The following STAM variants were observed in gnomAD, a reference collection of about 807,000 sequenced individuals.
The protein encoded by STAM is signal transducing adaptor molecule, also known as signal transducing adapter molecule 1.
In STAM, 16 loss-of-function variants were observed where a neutral mutation model predicts 63.4. The ratio of observed to expected loss-of-function variants is 0.25; its 90% CI spans 0.17 to 0.38. The LOEUF (loss-of-function observed/expected upper bound fraction) is 0.38. Ranked by LOEUF, STAM falls within the 10% of genes least tolerant of loss-of-function variation. The probability of loss-of-function intolerance (pLI) is 1.00; values close to 1 mark genes in which losing one functional copy is unlikely to be tolerated. For missense variants in STAM, 636 were observed against 657.1 expected (o/e 0.97, Z 0.35); for synonymous variants, 238 against 223.9 (o/e 1.06, Z -0.56).
chr10:17,645,190 G>C (rs1554820678), intron 1 of STAM, among the ~76,000 whole-genome samples: 1 of 152,124 alleles, frequency 6.6e-6, no homozygotes, highest in East Asian at 1.9e-4. Context: ...TTTCCGGGGA[G>C]AGAATTTTGG....
intron 1 of STAM, among the ~76,000 whole-genome samples, chr10:17,659,636 T>C (rs977141591): frequency 6.6e-6 from 1 of 152,094 alleles, no homozygotes; most frequent in South Asian, 2.1e-4. Flanking sequence ...GCCCAGCTAA[T>C]TATTTTTTTA....
At chr10:17,648,565 G>A (rs1289653006) in intron 1 of STAM, among the ~76,000 whole-genome samples, 5 of 152,276 alleles carry the variant, frequency 3.3e-5, no homozygotes, top group African/African-American at 4.8e-5. Context: ...ACAAAGGTCC[G>A]TGGCTTCATT....
At chr10:17,668,413 A>G in intron 2 of STAM, among the ~76,000 whole-genome samples, 1 of 152,358 alleles carries the variant, frequency 6.6e-6, no homozygotes, top group Middle Eastern at 3.4e-3. Flanking sequence ...TATTTGTTAC[A>G]AGATATGAAC....
At chr10:17,689,613 A>G (rs1835444598) in intron 5 of STAM, among the ~76,000 whole-genome samples, 1 of 152,254 alleles carries the variant, frequency 6.6e-6, no homozygotes, top group African/African-American at 2.4e-5. Context: ...CTTAAACAGA[A>G]TAATCCAAGA....
In STAM at chr10:17,708,835, C is replaced by T. The variant is rs372627119; in HGVS notation, c.1269C>T (p.Ser423=). The T allele has an allele frequency of 3.8e-5, 62 of 1,614,128 alleles. No individual in the cohort carries two copies. The highest frequency in any genetic ancestry group is 5.1e-5 in the Non-Finnish European group (60 of 1,179,994). ...AYLVAGNAQM[S]HLQSYSLPPE... Reference sequence around the variant, plus strand: ...TGGTTGCAGGGAACGCGCAGATGAGCCACCTCCAGAGCTACAGTCTTCCCC... The same window carrying T: ...TGGTTGCAGGGAACGCGCAGATGAGTCACCTCCAGAGCTACAGTCTTCCCC... Residue 423 remains serine (S), a synonymous_variant, in exon 13 of 14, where the codon AGC becomes AGT. Coordinates refer to ENST00000377524, the MANE Select transcript of STAM (RefSeq NM_003473.4).
chr10:17,691,495 G>C (rs1168479178), intron 5 of STAM, among the ~76,000 whole-genome samples: 2 of 151,804 alleles, frequency 1.3e-5, no homozygotes, highest in Non-Finnish European at 2.9e-5. Context: ...TCCAGCCTGG[G>C]CGACAGAGCG....
chr10:17,706,533 C>T (rs1358463463), intron 12 of STAM, among the ~76,000 whole-genome samples: 1 of 151,950 alleles, frequency 6.6e-6, no homozygotes, highest in Non-Finnish European at 1.5e-5. Flanking sequence ...CGCCCGTCAC[C>T]ACGCCAGGCT....
At chr10:17,650,319 A>G (rs556081497) in intron 1 of STAM, among the ~76,000 whole-genome samples, 3 of 152,364 alleles carry the variant, frequency 2.0e-5, no homozygotes, top group South Asian at 4.1e-4. Flanking sequence ...AGCAATATCC[A>G]TTATACATCA....
Position 17,705,660 on chromosome 10 carries a change from C to T in STAM, c.1128C>T (p.Asn376=), listed in dbSNP as rs199875490. 63 of 1,613,824 alleles carry T rather than the reference C, an allele frequency of 3.9e-5. No homozygotes were observed. The highest frequency in any genetic ancestry group is 4.7e-5 in the Non-Finnish European group (55 of 1,179,886). The change falls in exon 12 of 14, where the codon AAC becomes AAT. Residue 376 remains asparagine (N), a synonymous_variant. Transcript: ENST00000377524. ...TTTCCTTATATACCAAGTTAATGAA[C>T]GAAGATCCGATGTATTCCATGTATG... ...EALSLYTKLM[N]EDPMYSMYAK... is the part of the protein sequence containing the mutation.
At chr10:17,644,499 C>A in intron 1 of STAM, 120 bp downstream of exon 1, 1 of 1,175,710 alleles carries the variant, frequency 8.5e-7, no homozygotes, top group Non-Finnish European at 1.2e-6. Flanking sequence ...CTTCCCCTTT[C>A]CTGAGGCTCC....
intron 2 of STAM, among the ~76,000 whole-genome samples, chr10:17,681,281 G>T (rs1422435426): frequency 1.3e-5 from 2 of 148,464 alleles, no homozygotes; most frequent in South Asian, 2.1e-4. Context: ...GTTTTCTTGG[G>T]TTATGTTTTC....
rs1176548533 is a variant in STAM at position 17,715,141 on chromosome 10, T to C, written c.*361T>C. On this transcript the variant is annotated 3_prime_UTR_variant, in exon 14 of 14. Transcript: ENST00000377524. ...ATATGTAACTGCATTAGTGGCCATT[T>C]TGAATCACAGTGGTGATCGTGTGAA... 5.1e-5 allele frequency: 13 copies of C among 255,444 alleles called. No individual in the cohort carries two copies. Among genetic ancestry groups the C allele is most frequent in the Non-Finnish European group, 9.4e-5 (12 of 128,236 alleles). The allele number at this position is 255,444 out of a possible 1,614,324, so 15.8% of individuals were successfully genotyped here.
intron 2 of STAM, among the ~76,000 whole-genome samples, chr10:17,683,849 C>G (rs558800349): frequency 2.6e-5 from 4 of 152,066 alleles, no homozygotes; most frequent in African/African-American, 9.7e-5. Flanking sequence ...TTATTGAATG[C>G]TTAGTACTTT....
chr10:17,648,551 C>G (rs1833610392), intron 1 of STAM, among the ~76,000 whole-genome samples: 1 of 152,190 alleles, frequency 6.6e-6, no homozygotes, highest in South Asian at 2.1e-4. Flanking sequence ...CTGTAACACT[C>G]ACCACAAAGG....
intron 2 of STAM, among the ~76,000 whole-genome samples, chr10:17,665,824 A>C (rs1350583191): frequency 6.6e-6 from 1 of 152,032 alleles, no homozygotes; most frequent in Non-Finnish European, 1.5e-5. Context: ...AAACTTTAAC[A>C]AACATTCTGA....
intron 5 of STAM, among the ~76,000 whole-genome samples, chr10:17,692,937 C>CT (rs1248317894): frequency 1.3e-5 from 2 of 152,090 alleles, no homozygotes; most frequent in East Asian, 1.9e-4. Context: ...CTTCTCTAGT[C>CT]TGTCTTCTCT....
chr10:17,693,427 G>A (rs1835628050), intron 6 of STAM, 115 bp downstream of exon 6: 1 of 761,940 alleles, frequency 1.3e-6, no homozygotes, highest in East Asian at 2.8e-5. Context: ...CTGCTTTGTT[G>A]CCCTCCTCAG....
chr10:17,669,879 CTTTTCTTTTTTTTT>C (rs1554823857), intron 2 of STAM, among the ~76,000 whole-genome samples: 1 of 122,406 alleles, frequency 8.2e-6, no homozygotes. Context: ...CAATTCTTTT[CTTTTCTTTTTTTTT>C]TTTTTTTTTT....
intron 1 of STAM, among the ~76,000 whole-genome samples, chr10:17,645,667 G>T (rs1375235264): frequency 6.6e-6 from 1 of 152,012 alleles, no homozygotes; most frequent in Non-Finnish European, 1.5e-5. Context: ...TCTTAGCAGT[G>T]GACAGAACCT....
Sources: allele counts gnomAD v4.1 joint callset (sites outside exome capture counted in the v4.1 genomes callset), GRCh38; gene constraint gnomAD v4.1.1; transcripts MANE v1.5; gene names NCBI Gene and HGNC (gene_info 2026-07-23, HGNC 2026-07-21).